Variants in BBS2 observed in about 807,000 individuals in gnomAD.
BBS2 encodes BBSome complex member BBS2.
BBS2 carries 62 observed loss-of-function variants against 83.0 expected under a neutral mutation model. The observed-to-expected ratio is 0.75, with a 90% CI of 0.61 to 0.92. The LOEUF is 0.92. Among genes scored for constraint, BBS2 ranks in the 40% least tolerant of loss-of-function variants. The pLI is 0.00. For synonymous variants in BBS2, 303 were observed against 326.1 expected (o/e 0.93, Z 0.76); for missense variants, 784 against 901.0 (o/e 0.87, Z 1.66).
At position 56,511,208 on chromosome 16, in the gene BBS2, T is replaced by C. The variant is rs144680278; in HGVS notation, c.422A>G (p.Asn141Ser). Residue 141 changes from asparagine (N) to serine (S), a missense_variant, in exon 3 of 17, where the codon AAT becomes AGT. By Grantham distance (46) the Asn-to-Ser change is conservative. Coordinates refer to ENST00000245157, the MANE Select transcript of BBS2 (RefSeq NM_031885.5). ...ATGATTGAAACCTTGCAGAGCACAATTGCCACCAATAATCGCAAGAGGGGA... is the reference window on the plus strand; with the variant it reads ...ATGATTGAAACCTTGCAGAGCACAACTGCCACCAATAATCGCAAGAGGGGA... ...ISSPLAIIGG[N>S]CALQGFNHEG... The C allele has an allele frequency of 4.4e-5, 71 of 1,614,108 alleles. 1 individual carries two copies. The Middle Eastern group carries it at 8.2e-4, about 19-fold the overall frequency.
chr16:56,492,469 TC>T (rs1208173472), intron 15 of BBS2, among the ~76,000 whole-genome samples: 1 of 152,036 alleles, frequency 6.6e-6, no homozygotes, highest in Non-Finnish European at 1.5e-5. Flanking sequence ...ATTCATAAAA[TC>T]AAAGAGTAGA....
chr16:56,480,235 A>C (rs1963625861), downstream of BBS2, among the ~76,000 whole-genome samples: 3 of 151,876 alleles, frequency 2.0e-5, no homozygotes, highest in African/African-American at 7.3e-5. Context: ...TTAGGGTTCC[A>C]AAAGAAAGAA....
chr16:56,516,112 G>T (rs1206122204), intron 1 of BBS2: 2 of 152,174 alleles, frequency 1.3e-5, no homozygotes, highest in Non-Finnish European at 2.9e-5. Context: ...AGGATCTCAG[G>T]AGTCAGACTT....
At chr16:56,498,322 T>G in intron 13 of BBS2, 115 bp downstream of exon 13, 1 of 1,368,314 alleles carries the variant, frequency 7.3e-7, no homozygotes. Context: ...CACCTCACTT[T>G]GGACTGAATG....
At chr16:56,502,899 T>C (rs1260404724) in intron 7 of BBS2, 91 bp from the exon 8 acceptor site, 2 of 1,466,230 alleles carry the variant, frequency 1.4e-6, no homozygotes, top group Non-Finnish European at 1.9e-6. Context: ...AAAGGTCATT[T>C]AGTCTAGCAG....
chr16:56,506,566 GATATTATAT>G (rs1567579741), intron 5 of BBS2, among the ~76,000 whole-genome samples: 1 of 152,104 alleles, frequency 6.6e-6, no homozygotes, highest in African/African-American at 2.4e-5. Flanking sequence ...ATATACAATA[GATATTATAT>G]ATGTTCACCC....
rs1423734271 is a variant in BBS2 at position 56,484,743 on chromosome 16, G to C, written c.*18C>G. ...AGAAAATCTTTGCCAGGAACTTCAT[G>C]ACCTGTATTTTCCTCACCTAGGAAG... On this transcript the variant is annotated 3_prime_UTR_variant, in exon 17 of 17. Coordinates refer to ENST00000245157, the MANE Select transcript of BBS2 (RefSeq NM_031885.5). 6.9e-6 allele frequency: 11 copies of C among 1,604,106 alleles called. No homozygotes were observed. Among genetic ancestry groups the C allele is most frequent in the Non-Finnish European group, 9.4e-6 (11 of 1,171,330 alleles).
chr16:56,480,978 G>A (rs1393245330), downstream of BBS2, among the ~76,000 whole-genome samples: 1 of 152,132 alleles, frequency 6.6e-6, no homozygotes, highest in African/African-American at 2.4e-5. Flanking sequence ...TAGAGTGTGG[G>A]CAGGGGCCAG....
At chr16:56,517,496 A>G (rs1964784283) in intron 1 of BBS2, among the ~76,000 whole-genome samples, 1 of 152,220 alleles carries the variant, frequency 6.6e-6, no homozygotes, top group Non-Finnish European at 1.5e-5. Context: ...ACCTCTTATC[A>G]AATGTTATTA....
At chr16:56,485,783 G>A in intron 15 of BBS2, 45 bp from the exon 16 acceptor site, 1 of 1,597,144 alleles carries the variant, frequency 6.3e-7, no homozygotes, top group Non-Finnish European at 8.6e-7. Context: ...TGTTGATATG[G>A]CAAGCTTAAG....
rs121908175 is a variant in BBS2, at chr16:56,519,791, G to C, written c.72C>G (p.Tyr24Ter). ...ISPRMVAIGR[Y>*]DGTHPCLAAA... The stretch of plus-strand genomic sequence containing the variant: ...CCGCCAGGCACGGGTGAGTCCCGTC[G>C]TAGCGCCCTATGGCCACCATTCGGG... The change falls in exon 1 of 17, where the codon TAC becomes TAG. Residue 24 changes from tyrosine (Y) to a stop codon, truncating the protein, a stop_gained. Transcript: ENST00000245157. LOFTEE classifies it high-confidence loss of function. 1.6e-4 allele frequency: 265 copies of C among 1,613,764 alleles called. No individual in the cohort carries two copies. Among genetic ancestry groups the C allele is most frequent in the Non-Finnish European group, 2.2e-4 (262 of 1,179,820 alleles).
chr16:56,473,997 C>T (rs112518561), intron 17 of BBS2, among the ~76,000 whole-genome samples: 6 of 151,972 alleles, frequency 3.9e-5, no homozygotes, highest in Non-Finnish European at 7.4e-5. Flanking sequence ...TTAGTAGAAA[C>T]GGGGTTTTGC....
chr16:56,475,411 C>T, intron 17 of BBS2: 1 of 1,097,490 alleles, frequency 9.1e-7, no homozygotes, highest in Non-Finnish European at 1.4e-6. Context: ...CTCCCAGATC[C>T]CCCACTGTTA....
At chr16:56,492,678 T>A (rs1457280276) in intron 15 of BBS2, among the ~76,000 whole-genome samples, 3 of 152,144 alleles carry the variant, frequency 2.0e-5, no homozygotes, top group Non-Finnish European at 4.4e-5. Flanking sequence ...ATTTAAAAAA[T>A]AAAAATTAAA....
At chr16:56,510,496 CATTT>C (rs1275343797) in intron 4 of BBS2, among the ~76,000 whole-genome samples, 2 of 152,178 alleles carry the variant, frequency 1.3e-5, no homozygotes, top group East Asian at 3.9e-4. Flanking sequence ...ATCTCTAAAA[CATTT>C]AGATTCCTCA....
At chr16:56,497,106 A>T in intron 14 of BBS2, 27 bp from the exon 15 acceptor site, 1 of 1,445,334 alleles carries the variant, frequency 6.9e-7, no homozygotes, top group Non-Finnish European at 9.7e-7. Flanking sequence ...CTCAGGAATG[A>T]AAAAGGCCTC....
intron 15 of BBS2, among the ~76,000 whole-genome samples, chr16:56,491,365 G>C (rs1303319979): frequency 1.3e-5 from 2 of 152,122 alleles, no homozygotes; most frequent in East Asian, 3.9e-4. Context: ...CAAAAGAGCA[G>C]GTTGTTATAA....
At chr16:56,488,606 T>C (rs745668324) in intron 15 of BBS2, among the ~76,000 whole-genome samples, 1 of 152,224 alleles carries the variant, frequency 6.6e-6, no homozygotes, top group Non-Finnish European at 1.5e-5. Context: ...TTCAGATGTC[T>C]AGAAAATCTC....
intron 9 of BBS2, 45 bp from the exon 10 acceptor site, chr16:56,501,542 G>C: frequency 1.2e-6 from 2 of 1,613,022 alleles, no homozygotes; most frequent in South Asian, 1.1e-5. Flanking sequence ...CCAAAACACT[G>C]AACTAATATC....
Sources: gnomAD v4.1 joint callset for allele counts (sites outside exome capture counted in the v4.1 genomes callset) on GRCh38, gnomAD v4.1.1 for gene constraint, MANE v1.5 for transcripts, NCBI Gene and HGNC (gene_info 2026-07-23, HGNC 2026-07-21) for gene names.